The following SESN1 variants were observed in gnomAD, a reference collection of about 807,000 sequenced individuals.
SESN1 encodes the protein sestrin-1.
SESN1 carries 30 observed loss-of-function variants against 59.3 expected under a neutral mutation model. That is an observed-to-expected ratio of 0.51 (90% confidence interval 0.38 to 0.69). The LOEUF (loss-of-function observed/expected upper bound fraction) is 0.69. Ranked by LOEUF, SESN1 falls within the 30% of genes least tolerant of loss-of-function variation. The pLI, the probability that SESN1 is intolerant of heterozygous loss-of-function variation, is 0.00. For missense variants in SESN1, 566 were observed against 673.0 expected, an observed-to-expected ratio of 0.84 and a Z score of 1.76; for synonymous variants, 197 against 219.9, an observed-to-expected ratio of 0.90 and a Z score of 0.92.
intron 1 of SESN1, among the ~76,000 whole-genome samples, chr6:109,078,803 G>A (rs1055812236): frequency 6.6e-6 from 1 of 152,042 alleles, no homozygotes; most frequent in Non-Finnish European, 1.5e-5. Context: ...TCAGCCTTAG[G>A]TGGAGAGGGA....
At chr6:109,091,301 AG>A (rs1190290083) in intron 1 of SESN1, among the ~76,000 whole-genome samples, 1 of 152,202 alleles carries the variant, frequency 6.6e-6, no homozygotes, top group Admixed American at 6.5e-5. Flanking sequence ...CACATAGCCT[AG>A]GTGTGTAGTA....
Position 109,002,337 on chromosome 6 carries a change from C to T in SESN1, c.286G>A (p.Gly96Ser). Residue 96 changes from glycine to serine, a missense_variant, in exon 2 of 10, where the codon GGC (glycine) becomes AGC (serine). By Grantham distance (56) the Gly-to-Ser change is moderately conservative. Transcript: ENST00000436639. ...EFILKSIQEL[G>S]IRIPRPLGQG... is the part of the protein sequence containing the mutation. ...CCTAGTGGTCGAGGAATTCTAATGC[C>T]AAGTTCCTAGAAAAGAAAATTACAC... The T allele has an allele frequency of 6.2e-7, 1 of 1,612,940 alleles. No individual in the cohort carries two copies. Among genetic ancestry groups the T allele is most frequent in the Non-Finnish European group, 8.5e-7 (1 of 1,179,164 alleles).
chr6:109,093,710 A>C (rs1781388115), intron 1 of SESN1, 85 bp downstream of exon 1: 2 of 1,340,258 alleles, frequency 1.5e-6, no homozygotes, highest in African/African-American at 2.9e-5. Context: ...ATAACAACCT[A>C]ATAGAAACAA....
intron 1 of SESN1, among the ~76,000 whole-genome samples, chr6:109,083,107 G>T (rs1368612987): frequency 6.6e-6 from 1 of 152,098 alleles, no homozygotes; most frequent in East Asian, 1.9e-4. Flanking sequence ...TTTACAAAAT[G>T]GTTTACCAAT....
rs1463671498 is a variant in SESN1, at chr6:108,984,785, C to T, written c.*2759G>A. Reference sequence around the variant, plus strand: ...CTACAACTTTGCTGAATTTATGCTTCCTCTTGATCACACCATCCTCTGCTG... The same window carrying T: ...CTACAACTTTGCTGAATTTATGCTTTCTCTTGATCACACCATCCTCTGCTG... On this transcript the variant is annotated 3_prime_UTR_variant, in exon 10 of 10. Transcript: ENST00000436639. Among the ~76,000 whole-genome samples the T allele has an allele frequency of 6.6e-6, 1 of 152,122 alleles. No homozygotes were observed. Among genetic ancestry groups the T allele is most frequent in the Non-Finnish European group, 1.5e-5 (1 of 68,014 alleles).
chr6:108,999,007 A>C (rs1360148129), intron 4 of SESN1: 2 of 294,136 alleles, frequency 6.8e-6, no homozygotes, highest in Non-Finnish European at 1.3e-5. Context: ...AAAATGTAAG[A>C]GAATGCATTT....
intron 1 of SESN1, among the ~76,000 whole-genome samples, chr6:109,093,103 G>A (rs2114487742): frequency 6.6e-6 from 1 of 152,148 alleles, no homozygotes; most frequent in South Asian, 2.1e-4. Context: ...GATAAATTAT[G>A]AACGAAATGG....
rs544150891 is a variant in SESN1 at position 109,054,873 on chromosome 6, T to A, written c.279+38922A>T. Among the ~76,000 whole-genome samples the A allele has an allele frequency of 3.9e-5, 6 of 152,356 alleles. No individual in the cohort carries two copies. The South Asian group carries it at 6.2e-4, about 16-fold the overall frequency. ...ATTTTTATGCAATCAAAACTATCTTTTCCATTAAAGCTTTCTTCCCTTGCT... is the reference window on the plus strand; with the variant it reads ...ATTTTTATGCAATCAAAACTATCTTATCCATTAAAGCTTTCTTCCCTTGCT... On this transcript the variant is annotated intron_variant, in intron 1 of 9. Coordinates refer to ENST00000436639, the MANE Select transcript of SESN1 (RefSeq NM_014454.3).
At position 108,994,515 on chromosome 6, in the gene SESN1, A is replaced by G. The variant is rs1429593576; in HGVS notation, c.1067T>C (p.Met356Thr). The G allele has an allele frequency of 6.2e-7, 1 of 1,613,474 alleles. No individual in the cohort carries two copies. The highest frequency in any genetic ancestry group is 1.7e-5 in the Admixed American group (1 of 60,010). The part of the protein sequence containing the change: ...RDEEEASQEE[M>T]ASRFEIEKRE... ...TTTTTCTATTTCAAAACGTGAAGCC[A>G]TCTCTTCCTGACTTGCCTCTTCTTC... Residue 356 changes from methionine to threonine, a missense_variant, in exon 6 of 10, where the codon ATG becomes ACG. Met to Thr is a moderately conservative substitution (Grantham distance 81). Coordinates refer to ENST00000436639, the MANE Select transcript of SESN1 (RefSeq NM_014454.3).
chr6:109,001,880 G>A (rs979480857), intron 2 of SESN1, among the ~76,000 whole-genome samples: 1 of 152,126 alleles, frequency 6.6e-6, no homozygotes, highest in South Asian at 2.1e-4. Context: ...CACTTCTTAT[G>A]AAAATAAAGC....
intron 1 of SESN1, among the ~76,000 whole-genome samples, chr6:109,009,175 C>A (rs1779802554): frequency 6.6e-6 from 1 of 152,218 alleles, no homozygotes; most frequent in African/African-American, 2.4e-5. Context: ...CCCCTTCCCC[C>A]GAGGGGCGCA....
chr6:109,079,030 C>A (rs1781076057), intron 1 of SESN1, among the ~76,000 whole-genome samples: 2 of 151,618 alleles, frequency 1.3e-5, no homozygotes, highest in Non-Finnish European at 2.9e-5. Context: ...CATCAAAGAC[C>A]ATTGTAGACT....
intron 8 of SESN1, among the ~76,000 whole-genome samples, 155 bp from the exon 9 acceptor site, chr6:108,988,842 ATAAG>A (rs1228497758): frequency 6.6e-6 from 1 of 152,234 alleles, no homozygotes; most frequent in Non-Finnish European, 1.5e-5. Flanking sequence ...CTGCAGATGA[ATAAG>A]TGAGTATAAA....
intron 1 of SESN1, among the ~76,000 whole-genome samples, chr6:109,035,326 T>C (rs1780233776): frequency 6.6e-6 from 1 of 152,158 alleles, no homozygotes; most frequent in African/African-American, 2.4e-5. Context: ...CTAAGTCAGG[T>C]ATTTTAAGAA....
In SESN1 at chr6:109,094,121, C is replaced by CA. The variant is rs748441111; in HGVS notation, c.-49dup. On this transcript the variant is annotated 5_prime_UTR_variant, in exon 1 of 10. Transcript: ENST00000436639. Reference sequence around the variant, plus strand: ...TCTTCAGTTACCTTTCAGCATGCCCCAAAAAAATTGCTTTGTATTTTTAAA... The same window carrying CA: ...TCTTCAGTTACCTTTCAGCATGCCCCAAAAAAAATTGCTTTGTATTTTTAAA... 5.9e-6 allele frequency: 9 copies of CA among 1,532,630 alleles called. No individual in the cohort carries two copies. Among genetic ancestry groups the CA allele is most frequent in the South Asian group, 2.4e-5 (2 of 82,416 alleles). 94.9% of individuals were successfully genotyped at this position (1,532,630 alleles called of 1,614,324 possible).
chr6:109,022,754 A>G (rs1171181180), intron 1 of SESN1, among the ~76,000 whole-genome samples: 1 of 152,022 alleles, frequency 6.6e-6, no homozygotes, highest in African/African-American at 2.4e-5. Context: ...TTTAACTATC[A>G]TAACACCTTA....
At position 108,998,757 on chromosome 6, in the gene SESN1, T is replaced by C. The variant is rs1457151232; in HGVS notation, c.730-2A>G. The C allele has an allele frequency of 6.3e-7, 1 of 1,598,308 alleles. No homozygotes were observed. The highest frequency in any genetic ancestry group is 8.5e-7 in the Non-Finnish European group (1 of 1,171,192). Reference sequence around the variant, plus strand: ...GTGCTCTTCAGCTTTTAAAAGTCCCTTAGGGGGAAAAAAAAAAAGAATATA... The same window carrying C: ...GTGCTCTTCAGCTTTTAAAAGTCCCCTAGGGGGAAAAAAAAAAAGAATATA... On this transcript the variant is annotated splice_acceptor_variant, in intron 4 of 9. Coordinates refer to ENST00000436639, the MANE Select transcript of SESN1 (RefSeq NM_014454.3). LOFTEE classifies it high-confidence loss of function.
At position 108,990,816 on chromosome 6, in the gene SESN1, T is replaced by C. The variant is rs776238078; in HGVS notation, c.1253A>G (p.His418Arg). ...FRVQDYCWED[H>R]GYSLVNRLYP... ...AAGGCGATTTACCAAAGAATAACCA[T>C]GATCTTCCCAGCAATAGTCCTAAAT... Residue 418 changes from histidine (H) to arginine (R), a missense_variant, in exon 8 of 10, where the codon CAT becomes CGT. Coordinates refer to ENST00000436639, the MANE Select transcript of SESN1 (RefSeq NM_014454.3). 8 of 1,613,950 alleles carry C rather than the reference T, an allele frequency of 5.0e-6. 1 individual carries two copies. Among genetic ancestry groups the C allele is most frequent in the South Asian group, 2.2e-5 (2 of 91,072 alleles).
intron 1 of SESN1, among the ~76,000 whole-genome samples, chr6:109,041,397 G>A (rs1358087192): frequency 6.6e-6 from 1 of 152,034 alleles, no homozygotes; most frequent in African/African-American, 2.4e-5. Context: ...CAACAACTCA[G>A]TAAATCTACC....
Sources: allele counts gnomAD v4.1 joint callset (sites outside exome capture counted in the v4.1 genomes callset), GRCh38; gene constraint gnomAD v4.1.1; transcripts MANE v1.5; gene names NCBI Gene and HGNC (gene_info 2026-07-23, HGNC 2026-07-21).